Variants in RHOBTB1 observed in about 807,000 individuals in gnomAD.
The protein encoded by RHOBTB1 is rho-related BTB domain-containing protein 1.
Under a neutral mutation model 71.6 loss-of-function variants are expected in RHOBTB1, and 40 were observed. The observed-to-expected ratio is 0.56, with a 90% CI of 0.43 to 0.73. The LOEUF is 0.73. Among genes scored for constraint, RHOBTB1 ranks in the 30% least tolerant of loss-of-function variants. The pLI is 0.00. For missense variants in RHOBTB1, 797 were observed against 894.0 expected (o/e 0.89, Z 1.38); for synonymous variants, 319 against 334.9 (o/e 0.95, Z 0.52).
chr10:60,961,470 A>G (rs896495830), intron 2 of RHOBTB1, among the ~76,000 whole-genome samples: 3 of 152,228 alleles, frequency 2.0e-5, no homozygotes, highest in Admixed American at 2.0e-4. Context: ...TTACATGAAC[A>G]TATAAGTAGG....
At chr10:60,868,562 C>T (rs1272448658), downstream of RHOBTB1, among the ~76,000 whole-genome samples, 1 of 152,188 alleles carries the variant, frequency 6.6e-6, no homozygotes, top group Non-Finnish European at 1.5e-5. Context: ...ATGAAAAAAT[C>T]TCTTAGAAAC....
chr10:60,979,223 T>A lies in RHOBTB1; in HGVS notation c.-62+6622A>T, dbSNP rs571681918. Among the ~76,000 whole-genome samples, 29 of 152,238 alleles carry A rather than the reference T, an allele frequency of 1.9e-4. No individual in the cohort carries two copies. The South Asian group carries it at 3.9e-3, about 21-fold the overall frequency. On this transcript the variant is annotated intron_variant, in intron 2 of 11. Transcript: ENST00000357917. ...CTTGTTATTTTCATCTGTATCTACCTTTTTTTGCCTAAGAATTTACCCAGT... is the reference window on the plus strand; with the variant it reads ...CTTGTTATTTTCATCTGTATCTACCATTTTTTGCCTAAGAATTTACCCAGT...
rs12763739 is a variant in RHOBTB1, at chr10:60,913,366, T to C, written c.-10-1814A>G. ...GAGGCTCAAAACAGTCAGATACCTG[T>C]CCACCTGACACATACTTATCCTGAA... On this transcript the variant is annotated intron_variant, in intron 2 of 10. Coordinates refer to ENST00000337910, the MANE Select transcript of RHOBTB1 (RefSeq NM_014836.5). Among the ~76,000 whole-genome samples, 538 of 152,280 alleles carry C rather than the reference T, an allele frequency of 3.5e-3. 5 individuals carry two copies. Among genetic ancestry groups the C allele is most frequent in the Non-Finnish European group, 3.4e-3 (234 of 68,006 alleles).
At chr10:60,910,780 C>A in intron 4 of RHOBTB1, 107 bp downstream of exon 4, 2 of 763,098 alleles carry the variant, frequency 2.6e-6, no homozygotes, top group Middle Eastern at 4.6e-4. Flanking sequence ...GAACCCAGCA[C>A]ATTTCAAGGC....
rs138903492 is a variant in RHOBTB1, at chr10:60,906,364, A to T, written c.296+4523T>A. On this transcript the variant is annotated intron_variant, in intron 4 of 10. Coordinates refer to ENST00000337910, the MANE Select transcript of RHOBTB1 (RefSeq NM_014836.5). ...TAAAGAATTTAAGAGGAACACTGGA[A>T]TATCAGAGCTCGTAATAGATGGTGA... Among the ~76,000 whole-genome samples, 796 of 152,364 alleles carry T rather than the reference A, an allele frequency of 5.2e-3. 4 individuals carry two copies. The highest frequency in any genetic ancestry group is 0.018 in the African/African-American group (755 of 41,590).
chr10:60,887,896 T>C (rs1341185805), intron 6 of RHOBTB1, among the ~76,000 whole-genome samples: 2 of 152,200 alleles, frequency 1.3e-5, no homozygotes, highest in African/African-American at 4.8e-5. Flanking sequence ...TGGTGGTTTA[T>C]GGAACAGGTT....
At chr10:60,874,537 C>T (rs1180278201) in intron 9 of RHOBTB1, among the ~76,000 whole-genome samples, 1 of 152,230 alleles carries the variant, frequency 6.6e-6, no homozygotes, top group Non-Finnish European at 1.5e-5. Flanking sequence ...TTAGCAACTT[C>T]TGACTTTAGA....
rs540869329 is a variant in RHOBTB1 at position 60,919,803 on chromosome 10, G to A, written c.-10-8251C>T. Among the ~76,000 whole-genome samples, 13 of 152,290 alleles carry A rather than the reference G, an allele frequency of 8.5e-5. No individual in the cohort carries two copies. In the East Asian group the frequency reaches 9.6e-4, roughly 11 times the overall value. On this transcript the variant is annotated intron_variant, in intron 2 of 10. Coordinates refer to ENST00000337910, the MANE Select transcript of RHOBTB1 (RefSeq NM_014836.5). ...TGACAGTGGAGACCCACAGAAGATC[G>A]TGCTCTCTATGCTTTTAAAACTCAA...
chr10:60,931,083 C>T (rs1392554084), intron 2 of RHOBTB1, among the ~76,000 whole-genome samples: 2 of 152,134 alleles, frequency 1.3e-5, no homozygotes, highest in African/African-American at 4.8e-5. Context: ...GTAATTGTTG[C>T]TGGACAATGA....
At chr10:60,861,842 A>T in the RHOBTB1 span, among the ~76,000 whole-genome samples, 1 of 152,194 alleles carries the variant, frequency 6.6e-6, no homozygotes, top group African/African-American at 2.4e-5. Context: ...CCCCCAGCAA[A>T]TTGCAAGATC....
chr10:60,952,366 T>G (rs994378735), intron 2 of RHOBTB1, among the ~76,000 whole-genome samples: 1 of 152,162 alleles, frequency 6.6e-6, no homozygotes, highest in African/African-American at 2.4e-5. Context: ...TCACCACCTG[T>G]CTTTTTAAGC....
intron 4 of RHOBTB1, among the ~76,000 whole-genome samples, chr10:60,900,836 T>C (rs2133079392): frequency 6.6e-6 from 1 of 152,336 alleles, no homozygotes; most frequent in East Asian, 1.9e-4. Context: ...GTAATACCTC[T>C]GGTATACGGC....
chr10:60,932,689 C>T (rs976292798), intron 2 of RHOBTB1, among the ~76,000 whole-genome samples: 3 of 151,908 alleles, frequency 2.0e-5, no homozygotes, highest in Non-Finnish European at 2.9e-5. Context: ...CATGATACAT[C>T]TTTAAATTAA....
chr10:60,969,857 C>T (rs1768150815), intron 2 of RHOBTB1, among the ~76,000 whole-genome samples: 1 of 152,058 alleles, frequency 6.6e-6, no homozygotes, highest in South Asian at 2.1e-4. Flanking sequence ...ATAATAATAC[C>T]TTGGATGATA....
chr10:60,922,657 G>A (rs1045023343), intron 2 of RHOBTB1, among the ~76,000 whole-genome samples: 37 of 152,294 alleles, frequency 2.4e-4, no homozygotes, highest in Middle Eastern at 3.4e-3. Context: ...AAGAGAGAAG[G>A]GTGGAGGAAG....
At chr10:60,901,314 C>A (rs2082403923) in intron 4 of RHOBTB1, among the ~76,000 whole-genome samples, 1 of 152,160 alleles carries the variant, frequency 6.6e-6, no homozygotes. Flanking sequence ...TTAGAAATTA[C>A]TGGTAGAATT....
At chr10:60,964,462 A>G (rs1186840034) in intron 2 of RHOBTB1, among the ~76,000 whole-genome samples, 1 of 152,186 alleles carries the variant, frequency 6.6e-6, no homozygotes, top group Non-Finnish European at 1.5e-5. Flanking sequence ...AATTACAATT[A>G]CTTCAAGGAT....
intron 6 of RHOBTB1, among the ~76,000 whole-genome samples, chr10:60,887,956 C>G (rs1001858889): frequency 6.6e-6 from 1 of 152,168 alleles, no homozygotes; most frequent in African/African-American, 2.4e-5. Flanking sequence ...CCATTTATTG[C>G]TGGTGTGACC....
intron 2 of RHOBTB1, among the ~76,000 whole-genome samples, chr10:60,952,272 AG>A (rs1239613199): frequency 5.9e-5 from 9 of 152,180 alleles, no homozygotes; most frequent in Non-Finnish European, 1.0e-4. Flanking sequence ...AGGCACTTTG[AG>A]ATCATAAAAA....
Sources: allele counts gnomAD v4.1 joint callset (sites outside exome capture counted in the v4.1 genomes callset), GRCh38; gene constraint gnomAD v4.1.1; transcripts MANE v1.5; gene names NCBI Gene and HGNC (gene_info 2026-07-23, HGNC 2026-07-21).